The following FBXO34 variants were observed in gnomAD, a reference collection of about 807,000 sequenced individuals.
FBXO34 encodes the protein F-box protein 34, also known as F-box only protein 34.
A neutral mutation model predicts 24.5 loss-of-function variants in FBXO34; 12 were observed. The ratio of observed to expected loss-of-function variants is 0.49; its 90% CI spans 0.31 to 0.79. The LOEUF is 0.79. Ranked by LOEUF, FBXO34 falls within the 30% of genes least tolerant of loss-of-function variation. FBXO34 has a pLI of 0.04. For synonymous variants in FBXO34, 320 were observed against 311.9 expected, an observed-to-expected ratio of 1.03 and a Z score of -0.27; for missense variants, 823 against 857.7, an observed-to-expected ratio of 0.96 and a Z score of 0.51.
At chr14:55,298,232 C>T (rs1489552561) in intron 1 of FBXO34, among the ~76,000 whole-genome samples, 1 of 151,126 alleles carries the variant, frequency 6.6e-6, no homozygotes, top group South Asian at 2.1e-4. Flanking sequence ...TTTTTTTAAG[C>T]TCATCAAATA....
At chr14:55,329,274 G>T (rs1351446961) in intron 1 of FBXO34, among the ~76,000 whole-genome samples, 2 of 151,962 alleles carry the variant, frequency 1.3e-5, no homozygotes, top group Non-Finnish European at 2.9e-5. Context: ...TCCTTAAGAT[G>T]TGTACTAGTT....
At chr14:55,290,227 C>G (rs1323414822) in intron 1 of FBXO34, among the ~76,000 whole-genome samples, 1 of 151,930 alleles carries the variant, frequency 6.6e-6, no homozygotes, top group Non-Finnish European at 1.5e-5. Flanking sequence ...AACCCCGTCT[C>G]TACTAAAAAA....
the FBXO34 span, chr14:55,385,763 C>T: frequency 2.8e-6 from 3 of 1,069,038 alleles, no homozygotes; most frequent in Middle Eastern, 2.1e-4. Flanking sequence ...AAACCAATGA[C>T]CCTAGAATAA....
At chr14:55,329,361 C>T (rs556321247) in intron 1 of FBXO34, among the ~76,000 whole-genome samples, 18 of 152,190 alleles carry the variant, frequency 1.2e-4, no homozygotes, top group African/African-American at 4.3e-4. Flanking sequence ...AAGGAACATA[C>T]TGCAGTAAAT....
At chr14:55,413,243 AG>A in the FBXO34 span, among the ~76,000 whole-genome samples, 1 of 152,270 alleles carries the variant, frequency 6.6e-6, no homozygotes, top group Non-Finnish European at 1.5e-5. Flanking sequence ...GTATTCAGAC[AG>A]GATCCTTCAC....
At chr14:55,298,807 A>G (rs1882235467) in intron 1 of FBXO34, 3 of 1,611,208 alleles carry the variant, frequency 1.9e-6, no homozygotes, top group East Asian at 2.2e-5. Context: ...GCGGCCCTCC[A>G]GGCACTGAAG....
downstream of FBXO34, among the ~76,000 whole-genome samples, chr14:55,363,053 G>A (rs1255668001): frequency 7.2e-6 from 1 of 138,494 alleles, no homozygotes; most frequent in Non-Finnish European, 1.5e-5. Flanking sequence ...ACGGAGTTTC[G>A]CTCTTGTTGC....
chr14:55,286,906 C>CT (rs34073592), intron 1 of FBXO34, among the ~76,000 whole-genome samples: 2,771 of 125,380 alleles, frequency 0.022, 54 homozygotes, highest in Admixed American at 0.043. Context: ...GTTTCATTTA[C>CT]TTTTTTTTTT....
chr14:55,382,079 C>A, the FBXO34 span: 12 of 1,614,102 alleles, frequency 7.4e-6, no homozygotes, highest in Non-Finnish European at 1.0e-5. Context: ...CCGTTGTGAT[C>A]GTCACAGACC....
chr14:55,359,303 C>G (rs1884562461), intron 3 of FBXO34, among the ~76,000 whole-genome samples: 1 of 152,014 alleles, frequency 6.6e-6, no homozygotes, highest in African/African-American at 2.4e-5. Flanking sequence ...CTTGATGATC[C>G]CTAGGAGGCC....
chr14:55,324,318 G>T (rs1883269978), intron 1 of FBXO34, among the ~76,000 whole-genome samples: 1 of 152,244 alleles, frequency 6.6e-6, no homozygotes, highest in Non-Finnish European at 1.5e-5. Context: ...TTGTACCACA[G>T]TTTGTTTACC....
At chr14:55,405,876 G>A in the FBXO34 span, among the ~76,000 whole-genome samples, 1 of 151,970 alleles carries the variant, frequency 6.6e-6, no homozygotes, top group Non-Finnish European at 1.5e-5. Context: ...GGTCTCCCCT[G>A]GGGGTGGGGT....
downstream of FBXO34, among the ~76,000 whole-genome samples, chr14:55,372,453 A>T (rs1193345290): frequency 6.6e-6 from 1 of 152,176 alleles, no homozygotes; most frequent in Non-Finnish European, 1.5e-5. Context: ...AGGGGACCTC[A>T]GAACTGACTG....
At chr14:55,401,628 C>A in the FBXO34 span, among the ~76,000 whole-genome samples, 1 of 152,156 alleles carries the variant, frequency 6.6e-6, no homozygotes, top group Non-Finnish European at 1.5e-5. Context: ...ATAAATTCTT[C>A]CATACTTTTA....
chr14:55,290,411 A>G (rs2139675424), intron 1 of FBXO34, among the ~76,000 whole-genome samples: 1 of 152,146 alleles, frequency 6.6e-6, no homozygotes, highest in African/African-American at 2.4e-5. Flanking sequence ...AATAAATAAA[A>G]TAAATAAATT....
At chr14:55,356,498 AG>A (rs1345310835), downstream of FBXO34, among the ~76,000 whole-genome samples, 1 of 152,088 alleles carries the variant, frequency 6.6e-6, no homozygotes, top group African/African-American at 2.4e-5. Context: ...CCCAGACTGG[AG>A]TGCGGTGGTG....
the FBXO34 span, chr14:55,391,401 G>A: frequency 6.5e-6 from 1 of 153,222 alleles, no homozygotes; most frequent in Non-Finnish European, 1.4e-5. Flanking sequence ...ACTTGAACCA[G>A]GGAGGCGGAG....
At chr14:55,323,024 A>AAAAAAAAAAAAAAAAAAC (rs373936238) in intron 1 of FBXO34, among the ~76,000 whole-genome samples, 2 of 70,580 alleles carry the variant, frequency 2.8e-5, no homozygotes, top group African/African-American at 4.5e-5. Context: ...ATACAAAAAA[A>AAAAAAAAAAAAAAAAAAC]AAAAAAAAAG....
chr14:55,365,073 A>C (rs866596690), downstream of FBXO34, among the ~76,000 whole-genome samples: 3 of 150,808 alleles, frequency 2.0e-5, no homozygotes, highest in South Asian at 2.1e-4. Context: ...AAAAAAAAAA[A>C]AAAAAGCCAG....
Sources: gnomAD v4.1 joint callset for allele counts (sites outside exome capture counted in the v4.1 genomes callset) on GRCh38, gnomAD v4.1.1 for gene constraint, MANE v1.5 for transcripts, NCBI Gene and HGNC (gene_info 2026-07-23, HGNC 2026-07-21) for gene names.